ME3: variants seen among roughly 807,000 people sequenced by gnomAD.
The protein encoded by ME3 is malic enzyme 3, also known as NADP-dependent malic enzyme, mitochondrial.
In ME3, 48 loss-of-function variants were observed where a neutral mutation model predicts 68.9. The ratio of observed to expected loss-of-function variants is 0.70; its 90% CI spans 0.55 to 0.89. The LOEUF is 0.89. ME3 is among the 40% of genes least tolerant of loss of function. The pLI is 0.00. For synonymous variants in ME3, 320 were observed against 318.8 expected, an observed-to-expected ratio of 1.00 and a Z score of -0.04; for missense variants, 675 against 797.4, an observed-to-expected ratio of 0.85 and a Z score of 1.85.
chr11:86,635,590 T>C (rs941503110), intron 2 of ME3, among the ~76,000 whole-genome samples: 1 of 152,206 alleles, frequency 6.6e-6, no homozygotes, highest in Non-Finnish European at 1.5e-5. Flanking sequence ...GCCATTATCT[T>C]GGGTGTGGGT....
At chr11:86,603,877 T>C (rs1344828972) in intron 2 of ME3, among the ~76,000 whole-genome samples, 4 of 135,318 alleles carry the variant, frequency 3.0e-5, no homozygotes, top group Admixed American at 2.6e-4. Context: ...TTCTCACTCA[T>C]AGATGGGAAT....
chr11:86,525,793 C>G (rs1413419656), intron 4 of ME3, among the ~76,000 whole-genome samples: 1 of 147,978 alleles, frequency 6.8e-6, no homozygotes, highest in Non-Finnish European at 1.5e-5. Flanking sequence ...ACCCAGGAGG[C>G]AGAGGTTGCA....
At chr11:86,612,755 T>C (rs185020413) in intron 2 of ME3, among the ~76,000 whole-genome samples, 222 of 152,042 alleles carry the variant, frequency 1.5e-3, no homozygotes, top group Admixed American at 2.6e-3. Flanking sequence ...CTTTTTGATG[T>C]GGTTGTTTTT....
chr11:86,600,946 C>T (rs1460336297), intron 2 of ME3, among the ~76,000 whole-genome samples: 25 of 150,336 alleles, frequency 1.7e-4, no homozygotes, highest in Middle Eastern at 3.5e-3. Flanking sequence ...GGGACACATT[C>T]AAAGCAGTGT....
intron 4 of ME3, among the ~76,000 whole-genome samples, chr11:86,549,052 C>G (rs1956529278): frequency 6.6e-6 from 1 of 152,244 alleles, no homozygotes. Context: ...TCTATTTTAA[C>G]AAGCCCTCCA....
rs1950845001 is a variant in ME3 at position 86,472,604 on chromosome 11, C to T, written c.810-7404G>A. 2.6e-5 allele frequency among the ~76,000 whole-genome samples: 4 copies of T among 152,172 alleles called. No homozygotes were observed. In the South Asian group the frequency reaches 8.3e-4, roughly 32 times the overall value. On this transcript the variant is annotated intron_variant, in intron 7 of 14. Coordinates refer to ENST00000543262, the Ensembl canonical transcript of ME3. ...CAGCTTTGAGACTGAGCAGGTGTGGCTCCATCACTTACTAAACGCATGACC... is the reference window on the plus strand; with the variant it reads ...CAGCTTTGAGACTGAGCAGGTGTGGTTCCATCACTTACTAAACGCATGACC...
chr11:86,466,952 A>G (rs1486708349), intron 7 of ME3, among the ~76,000 whole-genome samples: 1 of 152,206 alleles, frequency 6.6e-6, no homozygotes, highest in Non-Finnish European at 1.5e-5. Flanking sequence ...TGGGCACAAT[A>G]ATATCTGCCT....
At chr11:86,576,180 T>C (rs1051801808) in intron 2 of ME3, among the ~76,000 whole-genome samples, 1 of 152,174 alleles carries the variant, frequency 6.6e-6, no homozygotes, top group African/African-American at 2.4e-5. Context: ...AAAACAAAGA[T>C]GAGGACATGA....
At chr11:86,545,495 A>G (rs1417927755) in intron 4 of ME3, among the ~76,000 whole-genome samples, 2 of 152,258 alleles carry the variant, frequency 1.3e-5, no homozygotes, top group Non-Finnish European at 2.9e-5. Flanking sequence ...TCAATGTGCA[A>G]AAATCACAAG....
rs577419431 is a variant in ME3 at position 86,625,663 on chromosome 11, G to T, written c.183+46099C>A. Among the ~76,000 whole-genome samples, 3 of 152,334 alleles carry T rather than the reference G, an allele frequency of 2.0e-5. No homozygotes were observed. The East Asian group carries it at 5.8e-4, about 29-fold the overall frequency. ...GCCAGGCACAGGGGATCAGCAGAAA[G>T]AAACCCCGTCACTGCTGTCATGAAG... On this transcript the variant is annotated intron_variant, in intron 2 of 14. Coordinates refer to ENST00000543262, the Ensembl canonical transcript of ME3.
chr11:86,600,652 T>C (rs1198418300), intron 2 of ME3, among the ~76,000 whole-genome samples: 1 of 151,858 alleles, frequency 6.6e-6, no homozygotes, highest in Non-Finnish European at 1.5e-5. Flanking sequence ...AATATACATT[T>C]TTTTCAGCAC....
At chr11:86,441,100 C>A (rs540643774), downstream of ME3, 4 of 505,410 alleles carry the variant, frequency 7.9e-6, no homozygotes, top group Middle Eastern at 5.6e-4. Flanking sequence ...AAGTGAACTC[C>A]CAGGGCCTTC....
chr11:86,574,400 G>GT lies in ME3; in HGVS notation c.184-14578_184-14577insA, dbSNP rs1491197669. Among the ~76,000 whole-genome samples the GT allele has an allele frequency of 4.7e-3, 222 of 47,718 alleles. 6 individuals are homozygous for GT. The highest frequency in any genetic ancestry group is 0.025 in the Middle Eastern group (2 of 80). 31.3% of individuals were successfully genotyped at this position (47,718 alleles called of 152,430 possible). On this transcript the variant is annotated intron_variant, in intron 2 of 14. Coordinates refer to ENST00000543262, the Ensembl canonical transcript of ME3. ...CTTTGGATGGGGTATTTGTTGCCGG[G>GT]GGGGGGGGGGGTGTCTTTTTTGTTG...
intron 2 of ME3, among the ~76,000 whole-genome samples, chr11:86,641,042 G>C (rs896167714): frequency 6.6e-6 from 1 of 151,186 alleles, no homozygotes; most frequent in Non-Finnish European, 1.5e-5. Context: ...TCACTGGGGG[G>C]GGGGGTCAAT....
chr11:86,510,512 A>G (rs1442214205), intron 4 of ME3, among the ~76,000 whole-genome samples: 6 of 152,264 alleles, frequency 3.9e-5, no homozygotes, highest in Non-Finnish European at 5.9e-5. Flanking sequence ...TAAATACCCA[A>G]GGCTTTTGGC....
chr11:86,621,044 A>C (rs1943316762), intron 2 of ME3, among the ~76,000 whole-genome samples: 1 of 152,182 alleles, frequency 6.6e-6, no homozygotes, highest in African/African-American at 2.4e-5. Flanking sequence ...CCAAGGGACA[A>C]ATGATGTCGA....
intron 4 of ME3, among the ~76,000 whole-genome samples, chr11:86,519,030 A>ACTCTTG (rs1954081692): frequency 6.6e-6 from 1 of 152,226 alleles, no homozygotes; most frequent in Non-Finnish European, 1.5e-5. Context: ...TGCTGTTAGA[A>ACTCTTG]CTATGAGAAA....
chr11:86,581,651 G>C (rs1958448779), intron 2 of ME3, among the ~76,000 whole-genome samples: 1 of 152,022 alleles, frequency 6.6e-6, no homozygotes, highest in African/African-American at 2.4e-5. Flanking sequence ...TCATCTGCTT[G>C]CTGGCTATCC....
chr11:86,531,107 A>C (rs1955193058), intron 4 of ME3, among the ~76,000 whole-genome samples: 1 of 152,220 alleles, frequency 6.6e-6, no homozygotes, highest in Non-Finnish European at 1.5e-5. Flanking sequence ...CATCTGACAA[A>C]GGGCTAATAT....
Sources: gnomAD v4.1 joint callset for allele counts (sites outside exome capture counted in the v4.1 genomes callset) on GRCh38, gnomAD v4.1.1 for gene constraint, MANE v1.5 for transcripts, NCBI Gene and HGNC (gene_info 2026-07-23, HGNC 2026-07-21) for gene names.